Variants in UBE2F observed in about 807,000 individuals in gnomAD.
UBE2F encodes NEDD8-conjugating enzyme UBE2F.
UBE2F carries 5 observed loss-of-function variants against 29.6 expected under a neutral mutation model. That is an observed-to-expected ratio of 0.17 (90% confidence interval 0.09 to 0.36). The LOEUF (loss-of-function observed/expected upper bound fraction) is 0.36. Among genes scored for constraint, UBE2F ranks in the 10% least tolerant of loss-of-function variants. The probability of loss-of-function intolerance (pLI) is 1.00; values close to 1 mark genes in which losing one functional copy is unlikely to be tolerated. For missense variants in UBE2F, 141 were observed against 228.5 expected (o/e 0.62, Z 2.47); for synonymous variants, 66 against 81.8 (o/e 0.81, Z 1.04).
intron 1 of UBE2F, among the ~76,000 whole-genome samples, chr2:237,971,320 ATTTTG>A (rs1199508922): frequency 6.6e-6 from 1 of 152,052 alleles, no homozygotes; most frequent in Non-Finnish European, 1.5e-5. Flanking sequence ...GTGACAATTT[ATTTTG>A]TTTTATTTTA....
rs2064835456 is a variant in UBE2F, at chr2:238,041,404, G to A, written c.*66G>A. The A allele has an allele frequency of 6.4e-7, 1 of 1,559,296 alleles. No individual in the cohort carries two copies. The highest frequency in any genetic ancestry group is 8.8e-7 in the Non-Finnish European group (1 of 1,132,156). ...TTGTCTCTAACATGAAACAGCAAGA[G>A]GTAGCCCCCTCTCCCGTCCTCATGC... is the stretch of plus-strand genomic sequence containing the variant. On this transcript the variant is annotated 3_prime_UTR_variant, in exon 10 of 10. Transcript: ENST00000272930.
intron 4 of UBE2F, among the ~76,000 whole-genome samples, chr2:238,005,722 G>A (rs769455873): frequency 1.1e-4 from 17 of 151,848 alleles, no homozygotes; most frequent in Admixed American, 2.6e-4. Context: ...TATGTGTGTG[G>A]GTGTGCTTCT....
At chr2:238,002,852 G>A (rs1251415995) in intron 4 of UBE2F, among the ~76,000 whole-genome samples, 4 of 151,722 alleles carry the variant, frequency 2.6e-5, no homozygotes, top group South Asian at 2.1e-4. Flanking sequence ...GGCTGGTCTC[G>A]AACTCCTGAC....
intron 5 of UBE2F, among the ~76,000 whole-genome samples, chr2:238,023,862 A>G (rs1310589739): frequency 1.3e-5 from 2 of 152,138 alleles, no homozygotes; most frequent in Non-Finnish European, 2.9e-5. Flanking sequence ...GTGTATCAGA[A>G]GCTAGGGTTT....
Position 237,967,221 on chromosome 2 carries a change from G to T in UBE2F, c.-17+89G>T. 1.1e-6 allele frequency: 1 copy of T among 918,034 alleles called. No individual in the cohort carries two copies. The highest frequency in any genetic ancestry group is 1.3e-6 in the Non-Finnish European group (1 of 765,712). 56.9% of individuals were successfully genotyped at this position (918,034 alleles called of 1,614,324 possible). Reference sequence around the variant, plus strand: ...TGCGGGCCGGGCGGAGGGCGCGGGCGGTGGCGGGGCCGCCTCGGGCCCGCC... The same window carrying T: ...TGCGGGCCGGGCGGAGGGCGCGGGCTGTGGCGGGGCCGCCTCGGGCCCGCC... On this transcript the variant is annotated intron_variant, in intron 1 of 9. Coordinates refer to ENST00000272930, the MANE Select transcript of UBE2F (RefSeq NM_080678.3). The surrounding 1 kb of genome is among the most constrained non-coding windows in gnomAD (Gnocchi z 6.3).
intron 6 of UBE2F, 22 bp downstream of exon 6, chr2:238,025,434 T>G (rs1338622528): frequency 1.2e-6 from 2 of 1,600,990 alleles, no homozygotes; most frequent in South Asian, 2.2e-5. Flanking sequence ...GTCTTTTCTT[T>G]CTTCTACATT....
At chr2:237,969,091 A>T (rs1444261534) in intron 1 of UBE2F, among the ~76,000 whole-genome samples, 1 of 152,222 alleles carries the variant, frequency 6.6e-6, no homozygotes, top group Non-Finnish European at 1.5e-5. Context: ...ATTTCTTAGA[A>T]TGTTAGAGAA....
chr2:238,017,900 A>G lies in UBE2F; in HGVS notation c.282+1267A>G, dbSNP rs139357318. On this transcript the variant is annotated intron_variant, in intron 5 of 9. Coordinates refer to ENST00000272930, the MANE Select transcript of UBE2F (RefSeq NM_080678.3). ...GTGGAGTTGCCCCCCAACCCCAGCC[A>G]CTGGGCTCCGTTCAGTGGCTGCAAC... Among the ~76,000 whole-genome samples the G allele has an allele frequency of 1.8e-3, 280 of 152,290 alleles. 2 individuals carry two copies. Among genetic ancestry groups the G allele is most frequent in the African/African-American group, 6.4e-3 (265 of 41,558 alleles).
intron 4 of UBE2F, among the ~76,000 whole-genome samples, chr2:238,000,102 G>A (rs186392914): frequency 4.6e-5 from 7 of 152,214 alleles, no homozygotes; most frequent in East Asian, 1.9e-4. Context: ...GATTACAAGC[G>A]TGAGCCACTG....
At chr2:237,984,853 C>T (rs1485710646) in intron 2 of UBE2F, among the ~76,000 whole-genome samples, 4 of 152,068 alleles carry the variant, frequency 2.6e-5, no homozygotes, top group African/African-American at 9.6e-5. Flanking sequence ...GATGATTGCT[C>T]ATTATAACCT....
At chr2:238,001,585 A>G (rs1401787654) in intron 4 of UBE2F, among the ~76,000 whole-genome samples, 1 of 152,094 alleles carries the variant, frequency 6.6e-6, no homozygotes, top group Non-Finnish European at 1.5e-5. Flanking sequence ...TGGGAGGCCA[A>G]GGCGGGTGGA....
At chr2:238,008,857 AAT>A (rs1201237728) in intron 4 of UBE2F, among the ~76,000 whole-genome samples, 1 of 152,208 alleles carries the variant, frequency 6.6e-6, no homozygotes, top group Non-Finnish European at 1.5e-5. Flanking sequence ...CTGTTTTTAA[AAT>A]ATATGTCTCC....
intron 2 of UBE2F, among the ~76,000 whole-genome samples, chr2:237,973,927 A>G (rs1012186440): frequency 2.6e-5 from 4 of 152,200 alleles, no homozygotes; most frequent in African/African-American, 9.6e-5. Flanking sequence ...CCTATAAAAG[A>G]TGAAGAAACA....
intron 1 of UBE2F, among the ~76,000 whole-genome samples, chr2:237,968,106 G>T (rs936216764): frequency 3.3e-5 from 5 of 152,162 alleles, no homozygotes; most frequent in African/African-American, 1.2e-4. Context: ...AATGAACAGG[G>T]TGTTGTGAAG....
intron 8 of UBE2F, among the ~76,000 whole-genome samples, chr2:238,034,023 AG>A (rs2064647368): frequency 1.3e-5 from 2 of 151,988 alleles, no homozygotes; most frequent in South Asian, 4.1e-4. Context: ...TTTTTTCTGG[AG>A]CCCACCATGT....
At position 237,973,130 on chromosome 2, in the gene UBE2F, T is replaced by G. The variant is rs1281571050; in HGVS notation, c.23T>G (p.Leu8Arg). The G allele has an allele frequency of 6.2e-7, 1 of 1,613,506 alleles. No homozygotes were observed. Among genetic ancestry groups the G allele is most frequent in the Non-Finnish European group, 8.5e-7 (1 of 1,179,558 alleles). Reference protein sequence around the residue: MLTLASKLKRDDGLKGSR... With the variant: MLTLASKRKRDDGLKGSR... ...GTAATGCTAACGCTAGCAAGTAAAC[T>G]GAAGCGTGACGATGGTCTCAAAGGG... The change falls in exon 2 of 10, where the codon CTG (leucine) becomes CGG (arginine). Residue 8 changes from leucine (L) to arginine (R), a missense_variant. Transcript: ENST00000272930.
intron 1 of UBE2F, among the ~76,000 whole-genome samples, chr2:237,970,487 G>T (rs2063152756): frequency 6.6e-6 from 1 of 152,182 alleles, no homozygotes; most frequent in Non-Finnish European, 1.5e-5. Flanking sequence ...GGCCTCTGTT[G>T]TCCTGGGGTC....
intron 2 of UBE2F, among the ~76,000 whole-genome samples, chr2:237,983,256 C>G (rs1001614535): frequency 2.1e-4 from 32 of 152,232 alleles, no homozygotes; most frequent in African/African-American, 7.5e-4. Context: ...TGAACTCTTT[C>G]TCCTCTTCTC....
At chr2:238,025,553 C>G (rs187192411) in intron 6 of UBE2F, 141 bp downstream of exon 6, 1 of 742,310 alleles carries the variant, frequency 1.3e-6, no homozygotes, top group Non-Finnish European at 2.3e-6. Flanking sequence ...GAAGTAGCTG[C>G]GGTTGCCTGC....
Sources: allele counts gnomAD v4.1 joint callset (sites outside exome capture counted in the v4.1 genomes callset), GRCh38; gene constraint gnomAD v4.1.1; non-coding constraint Gnocchi (gnomAD v3.1); transcripts MANE v1.5; gene names NCBI Gene and HGNC (gene_info 2026-07-23, HGNC 2026-07-21).